Variants in STXBP5L observed in about 807,000 individuals in gnomAD.
STXBP5L encodes syntaxin binding protein 5L.
Under a neutral mutation model 144.5 loss-of-function variants are expected in STXBP5L, and 65 were observed. The observed-to-expected ratio is 0.45, with a 90% CI of 0.37 to 0.55. STXBP5L has a LOEUF of 0.55. Among genes scored for constraint, STXBP5L ranks in the 20% least tolerant of loss-of-function variants. The probability of loss-of-function intolerance (pLI) is 0.00; values close to 1 mark genes in which losing one functional copy is unlikely to be tolerated. For missense variants in STXBP5L, 1,298 were observed against 1,405.5 expected (o/e 0.92, Z 1.22); for synonymous variants, 505 against 469.6 (o/e 1.08, Z -0.97).
At chr3:121,136,761 A>G (rs1432936681) in intron 7 of STXBP5L, among the ~76,000 whole-genome samples, 1 of 152,242 alleles carries the variant, frequency 6.6e-6, no homozygotes, top group Non-Finnish European at 1.5e-5. Flanking sequence ...TTGTTCTACC[A>G]TAAAGACACA....
At chr3:120,963,098 A>C (rs1018589608) in intron 3 of STXBP5L, among the ~76,000 whole-genome samples, 1 of 152,176 alleles carries the variant, frequency 6.6e-6, no homozygotes, top group Non-Finnish European at 1.5e-5. Context: ...GTGTATAAGA[A>C]TGCTTTTGAT....
At position 121,274,077 on chromosome 3, in the gene STXBP5L, G is replaced by A. The variant is rs149218719; in HGVS notation, c.1959-5728G>A. ...CAGATAACTAATAGATCTCCATTTT[G>A]TTGAGGTCAGTTCCTGGATAGCTAT... is the stretch of plus-strand genomic sequence containing the variant. On this transcript the variant is annotated intron_variant, in intron 18 of 26. Transcript: ENST00000471454. 1.1e-3 allele frequency among the ~76,000 whole-genome samples: 172 copies of A among 152,234 alleles called. 1 individual carries two copies. Among genetic ancestry groups the A allele is most frequent in the African/African-American group, 4.0e-3 (166 of 41,534 alleles).
intron 7 of STXBP5L, among the ~76,000 whole-genome samples, chr3:121,137,120 T>A (rs12630798): frequency 0.099 from 15,094 of 151,948 alleles, 1,177 homozygotes; most frequent in Admixed American, 0.2. Flanking sequence ...AAACTACCTA[T>A]CAAGTATTAT....
chr3:121,020,264 A>C (rs2108206824), intron 3 of STXBP5L, among the ~76,000 whole-genome samples: 1 of 152,282 alleles, frequency 6.6e-6, no homozygotes, highest in East Asian at 1.9e-4. Flanking sequence ...GACGTTTGGG[A>C]TGTTAAATGG....
At position 120,989,953 on chromosome 3, in the gene STXBP5L, G is replaced by A. The variant is rs369136473; in HGVS notation, c.287+34916G>A. ...GCTCAACATAGTGTTGGAAGTTCTG[G>A]CCAGGACAATCAGGCAGGAGAAGGA... On this transcript the variant is annotated intron_variant, in intron 3 of 26. Transcript: ENST00000471454. Among the ~76,000 whole-genome samples, 14 of 152,160 alleles carry A rather than the reference G, an allele frequency of 9.2e-5. No individual in the cohort carries two copies. In the East Asian group the frequency reaches 1.5e-3, roughly 17 times the overall value.
At chr3:121,060,965 A>G (rs1054227537) in intron 5 of STXBP5L, among the ~76,000 whole-genome samples, 14 of 151,930 alleles carry the variant, frequency 9.2e-5, no homozygotes, top group Admixed American at 6.6e-4. Flanking sequence ...TCCTGTCTCT[A>G]TCTCCTTCAG....
At chr3:121,252,051 T>G (rs2050043211) in intron 15 of STXBP5L, among the ~76,000 whole-genome samples, 1 of 152,080 alleles carries the variant, frequency 6.6e-6, no homozygotes. Context: ...CACCTCAAAG[T>G]CACTTTTTGG....
chr3:121,162,892 G>C (rs998642613), intron 9 of STXBP5L, among the ~76,000 whole-genome samples: 1 of 152,140 alleles, frequency 6.6e-6, no homozygotes, highest in African/African-American at 2.4e-5. Flanking sequence ...ACACCAATTA[G>C]AATGGCGATG....
chr3:121,060,141 G>A (rs11718302), intron 5 of STXBP5L, among the ~76,000 whole-genome samples: 19,901 of 152,096 alleles, frequency 0.13, 1,626 homozygotes, highest in Non-Finnish European at 0.19. Flanking sequence ...TTTGAGATAC[G>A]TTCCATCAGT....
intron 12 of STXBP5L, among the ~76,000 whole-genome samples, chr3:121,234,051 G>T (rs538563953): frequency 6.6e-6 from 1 of 152,228 alleles, no homozygotes; most frequent in East Asian, 1.9e-4. Flanking sequence ...CACTACTGCT[G>T]CAGACAACAC....
intron 6 of STXBP5L, among the ~76,000 whole-genome samples, chr3:121,121,424 C>T (rs2044457571): frequency 6.6e-6 from 1 of 150,974 alleles, no homozygotes; most frequent in East Asian, 1.9e-4. Flanking sequence ...TGTTTTAACC[C>T]GATTTTTAAA....
At chr3:121,019,091 G>A (rs966900493) in intron 3 of STXBP5L, among the ~76,000 whole-genome samples, 7 of 152,190 alleles carry the variant, frequency 4.6e-5, no homozygotes, top group African/African-American at 1.7e-4. Context: ...GGTCAGGCCT[G>A]TGGCTGCAGG....
At chr3:121,135,100 AACTGGT>A in intron 7 of STXBP5L, among the ~76,000 whole-genome samples, 1 of 152,296 alleles carries the variant, frequency 6.6e-6, no homozygotes, top group South Asian at 2.1e-4. Context: ...TCGCCATTCT[AACTGGT>A]ATGAGATGGT....
intron 2 of STXBP5L, among the ~76,000 whole-genome samples, chr3:120,946,286 T>A (rs1377782038): frequency 6.6e-6 from 1 of 151,734 alleles, no homozygotes; most frequent in Non-Finnish European, 1.5e-5. Flanking sequence ...ACGGTGTCAA[T>A]AATCCAACAA....
chr3:121,013,070 A>G (rs186648479), intron 3 of STXBP5L, among the ~76,000 whole-genome samples: 7 of 151,848 alleles, frequency 4.6e-5, no homozygotes, highest in African/African-American at 1.7e-4. Flanking sequence ...GTGTATATGT[A>G]CCACATTTTC....
At chr3:121,040,753 T>C (rs1947088863) in intron 3 of STXBP5L, among the ~76,000 whole-genome samples, 1 of 152,126 alleles carries the variant, frequency 6.6e-6, no homozygotes, top group Non-Finnish European at 1.5e-5. Context: ...CTTGAAATTC[T>C]CTCTAGGCAG....
chr3:121,182,202 C>G (rs947914438), intron 9 of STXBP5L, among the ~76,000 whole-genome samples: 1 of 152,074 alleles, frequency 6.6e-6, no homozygotes, highest in Non-Finnish European at 1.5e-5. Flanking sequence ...AACATTCAAC[C>G]CAAGTGCAGA....
intron 20 of STXBP5L, among the ~76,000 whole-genome samples, chr3:121,353,218 C>T (rs912347366): frequency 2.6e-5 from 4 of 152,136 alleles, no homozygotes; most frequent in Non-Finnish European, 5.9e-5. Context: ...GGGAGGATCC[C>T]CTCTTTTTCT....
In STXBP5L at chr3:121,265,773, A is replaced by G. The variant is rs916188893; in HGVS notation, c.1958+6605A>G. ...TAGAAGAATCAAACAGGAACAATAA[A>G]AAATGATAAAGGGGATATCACCTCT... is the stretch of plus-strand genomic sequence containing the variant. On this transcript the variant is annotated intron_variant, in intron 18 of 26. Coordinates refer to ENST00000471454, the MANE Select transcript of STXBP5L (RefSeq NM_001308330.2). Among the ~76,000 whole-genome samples, 6 of 152,292 alleles carry G rather than the reference A, an allele frequency of 3.9e-5. No homozygotes were observed. In the East Asian group the frequency reaches 1.2e-3, roughly 29 times the overall value.
Sources: gnomAD v4.1 joint callset for allele counts (sites outside exome capture counted in the v4.1 genomes callset) on GRCh38, gnomAD v4.1.1 for gene constraint, MANE v1.5 for transcripts, NCBI Gene and HGNC (gene_info 2026-07-23, HGNC 2026-07-21) for gene names.